Variants in MRPS28 observed in about 807,000 individuals in gnomAD.
The protein encoded by MRPS28 is mitochondrial ribosomal protein S28, also known as small ribosomal subunit protein bS1m.
In MRPS28, 7 loss-of-function variants were observed where a neutral mutation model predicts 10.8. The ratio of observed to expected loss-of-function variants is 0.65; its 90% CI spans 0.37 to 1.22. MRPS28 has a LOEUF of 1.22. MRPS28 is among the 50% of genes most tolerant of loss of function. The probability of loss-of-function intolerance (pLI) is 0.02; values close to 1 mark genes in which losing one functional copy is unlikely to be tolerated. For missense variants in MRPS28, 265 were observed against 232.9 expected (o/e 1.14, Z -0.90); for synonymous variants, 121 against 93.3 (o/e 1.30, Z -1.71).
intron 2 of MRPS28, among the ~76,000 whole-genome samples, chr8:79,947,900 G>A (rs1380498125): frequency 1.3e-5 from 2 of 151,112 alleles, no homozygotes; most frequent in Admixed American, 6.6e-5. Context: ...GCCTCCCAAA[G>A]TGCTGGGATT....
chr8:79,929,252 A>G (rs1372206327), intron 2 of MRPS28, among the ~76,000 whole-genome samples: 1 of 152,156 alleles, frequency 6.6e-6, no homozygotes, highest in Non-Finnish European at 1.5e-5. Flanking sequence ...AGAATCAACA[A>G]TGTAGTTTTG....
intron 1 of MRPS28, among the ~76,000 whole-genome samples, chr8:80,004,166 C>T (rs1043703258): frequency 6.6e-6 from 1 of 152,308 alleles, no homozygotes; most frequent in African/African-American, 2.4e-5. Context: ...AGTTTGAGAT[C>T]TGAGAACAGA....
At chr8:79,989,001 G>A (rs1271333301) in intron 2 of MRPS28, among the ~76,000 whole-genome samples, 1 of 152,186 alleles carries the variant, frequency 6.6e-6, no homozygotes, top group African/African-American at 2.4e-5. Context: ...TTTCTGAGAA[G>A]GGAATAGCCA....
At chr8:79,958,813 C>T (rs1807295702) in intron 2 of MRPS28, among the ~76,000 whole-genome samples, 1 of 151,968 alleles carries the variant, frequency 6.6e-6, no homozygotes, top group Non-Finnish European at 1.5e-5. Flanking sequence ...ACATTTAACC[C>T]CCAAGTATAT....
chr8:79,966,328 A>G (rs889404128), intron 2 of MRPS28, among the ~76,000 whole-genome samples: 1 of 152,072 alleles, frequency 6.6e-6, no homozygotes, highest in African/African-American at 2.4e-5. Flanking sequence ...AACTTGCATG[A>G]AAGTAGTAAA....
chr8:79,991,913 T>G (rs1221116793), intron 2 of MRPS28, among the ~76,000 whole-genome samples: 75 of 3,774 alleles, frequency 0.02, no homozygotes, highest in Middle Eastern at 0.17. Flanking sequence ...CTCCTTGCTC[T>G]CTCTCTCTCT....
chr8:80,014,218 G>C (rs1809136385), intron 1 of MRPS28, among the ~76,000 whole-genome samples: 1 of 152,152 alleles, frequency 6.6e-6, no homozygotes, highest in Non-Finnish European at 1.5e-5. Context: ...AGGCAGGGCA[G>C]TCAATATTCT....
At chr8:80,017,609 T>C (rs1183021566) in intron 1 of MRPS28, among the ~76,000 whole-genome samples, 6 of 152,204 alleles carry the variant, frequency 3.9e-5, no homozygotes, top group Non-Finnish European at 8.8e-5. Context: ...CAGTAATTAA[T>C]ATACTTCCAA....
chr8:79,986,229 C>T (rs1808165877), intron 2 of MRPS28, among the ~76,000 whole-genome samples: 1 of 152,154 alleles, frequency 6.6e-6, no homozygotes, highest in African/African-American at 2.4e-5. Flanking sequence ...ATCAACAACC[C>T]TTCATGCTAA....
intron 2 of MRPS28, among the ~76,000 whole-genome samples, chr8:79,964,086 C>G (rs1409108947): frequency 6.6e-6 from 1 of 151,890 alleles, no homozygotes; most frequent in Admixed American, 6.6e-5. Context: ...AGAGGTTGGG[C>G]ACAAAGAGAA....
chr8:79,951,548 A>G lies in MRPS28; in HGVS notation c.396-32400T>C, dbSNP rs186688784. 4.6e-3 allele frequency among the ~76,000 whole-genome samples: 698 copies of G among 152,194 alleles called. 4 individuals are homozygous for G. Among genetic ancestry groups the G allele is most frequent in the African/African-American group, 0.016 (668 of 41,516 alleles). ...CTTGGGCCCTGAGTTTTCATTTTGC[A>G]CTGGGCCCTGGGAATTATGCAGCCA... On this transcript the variant is annotated intron_variant, in intron 2 of 2. Transcript: ENST00000276585.
At chr8:79,962,993 T>C (rs368288622) in intron 2 of MRPS28, among the ~76,000 whole-genome samples, 22 of 152,212 alleles carry the variant, frequency 1.4e-4, no homozygotes, top group African/African-American at 4.6e-4. Flanking sequence ...TTGGAAACAC[T>C]GTCCTGCATT....
intron 2 of MRPS28, among the ~76,000 whole-genome samples, chr8:79,999,627 TA>T (rs1246381019): frequency 6.6e-6 from 1 of 152,202 alleles, no homozygotes; most frequent in African/African-American, 2.4e-5. Context: ...TTTGCTATGT[TA>T]AAAAGTTTCT....
intron 1 of MRPS28, among the ~76,000 whole-genome samples, chr8:80,007,481 T>G (rs1808885966): frequency 6.6e-6 from 1 of 152,206 alleles, no homozygotes; most frequent in South Asian, 2.1e-4. Context: ...GAAGTCAAAC[T>G]GTCCCTGTTT....
At chr8:79,951,665 C>T (rs1213183401) in intron 2 of MRPS28, among the ~76,000 whole-genome samples, 1 of 152,104 alleles carries the variant, frequency 6.6e-6, no homozygotes, top group Non-Finnish European at 1.5e-5. Context: ...GTAATTCTGG[C>T]CAACAGTATA....
intron 2 of MRPS28, among the ~76,000 whole-genome samples, chr8:79,928,953 G>A (rs1806384160): frequency 4.6e-5 from 7 of 152,114 alleles, no homozygotes; most frequent in Admixed American, 4.6e-4. Context: ...AGCTGAGACA[G>A]GAGAATCGCT....
chr8:79,946,159 T>TTTA (rs1806910564), intron 2 of MRPS28, among the ~76,000 whole-genome samples: 2 of 152,254 alleles, frequency 1.3e-5, no homozygotes, highest in South Asian at 4.1e-4. Context: ...AAATATATCA[T>TTTA]GAACCCATTC....
At chr8:79,976,415 A>T (rs376579009) in intron 2 of MRPS28, among the ~76,000 whole-genome samples, 1 of 152,160 alleles carries the variant, frequency 6.6e-6, no homozygotes, top group Admixed American at 6.5e-5. Context: ...CATATATATA[A>T]AAATGCTGGC....
In MRPS28 at chr8:79,918,886, T is replaced by G; in HGVS notation, c.*94A>C. Reference sequence around the variant, plus strand: ...ATAATTATAGCTTTTATTTATTATATCTTCATTCAATCATTTATTCACAAT... The same window carrying G: ...ATAATTATAGCTTTTATTTATTATAGCTTCATTCAATCATTTATTCACAAT... On this transcript the variant is annotated 3_prime_UTR_variant, in exon 3 of 3. Coordinates refer to ENST00000276585, the MANE Select transcript of MRPS28 (RefSeq NM_014018.3). The G allele has an allele frequency of 2.8e-6, 3 of 1,056,150 alleles. No homozygotes were observed. The highest frequency in any genetic ancestry group is 3.9e-6 in the Non-Finnish European group (3 of 772,466). 65.4% of individuals were successfully genotyped at this position (1,056,150 alleles called of 1,614,324 possible). A position where few individuals can be genotyped will look rare whatever the true frequency, so the allele number is the denominator to read the frequency against.
Sources: allele counts gnomAD v4.1 joint callset (sites outside exome capture counted in the v4.1 genomes callset), GRCh38; gene constraint gnomAD v4.1.1; transcripts MANE v1.5; gene names NCBI Gene and HGNC (gene_info 2026-07-23, HGNC 2026-07-21).